The following ZMYM4 variants were observed in gnomAD, a reference collection of about 807,000 sequenced individuals.
The protein encoded by ZMYM4 is zinc finger MYM-type containing 4.
In ZMYM4, 31 loss-of-function variants were observed where a neutral mutation model predicts 183.2. The ratio of observed to expected loss-of-function variants is 0.17; its 90% CI spans 0.13 to 0.23. The LOEUF (loss-of-function observed/expected upper bound fraction) is 0.23. Among genes scored for constraint, ZMYM4 ranks in the 10% least tolerant of loss-of-function variants. The pLI is 1.00. For missense variants in ZMYM4, 1,273 were observed against 1,840.3 expected (o/e 0.69, Z 5.64); for synonymous variants, 592 against 631.2 (o/e 0.94, Z 0.93).
chr1:35,419,355 CT>C, intron 29 of ZMYM4, 114 bp from the exon 30 acceptor site: 9 of 1,156,574 alleles, frequency 7.8e-6, no homozygotes, highest in Non-Finnish European at 9.6e-6. Context: ...TTTGCCCTTA[CT>C]TTTAATTACT....
At chr1:35,371,264 C>T (rs1249958283) in intron 7 of ZMYM4, among the ~76,000 whole-genome samples, 4 of 151,854 alleles carry the variant, frequency 2.6e-5, no homozygotes, top group African/African-American at 4.8e-5. Flanking sequence ...TACAGGTGCC[C>T]GCCACCATGC....
intron 2 of ZMYM4, among the ~76,000 whole-genome samples, chr1:35,343,796 G>A (rs1365117094): frequency 6.6e-6 from 1 of 151,626 alleles, no homozygotes; most frequent in African/African-American, 2.4e-5. Flanking sequence ...CCCGGGAGGC[G>A]GAGGTTGCAG....
chr1:35,315,309 T>TTTTTTTA (rs1641995666), intron 1 of ZMYM4, among the ~76,000 whole-genome samples: 1 of 152,200 alleles, frequency 6.6e-6, no homozygotes, highest in Non-Finnish European at 1.5e-5. Flanking sequence ...AGTAATTCAG[T>TTTTTTTA]TGCTTTATTT....
At chr1:35,371,184 C>T (rs1040536605) in intron 7 of ZMYM4, among the ~76,000 whole-genome samples, 3 of 150,754 alleles carry the variant, frequency 2.0e-5, no homozygotes, top group East Asian at 2.0e-4. Flanking sequence ...GGTGTGATCT[C>T]GGCTCACTGC....
chr1:35,324,518 C>T (rs1642423855), intron 1 of ZMYM4, among the ~76,000 whole-genome samples: 2 of 152,182 alleles, frequency 1.3e-5, no homozygotes, highest in Admixed American at 6.5e-5. Flanking sequence ...ATTTTCTCTT[C>T]ATATTTATGA....
chr1:35,418,720 G>A (rs2149051760), intron 29 of ZMYM4, 148 bp downstream of exon 29: 1 of 972,232 alleles, frequency 1.0e-6, no homozygotes, highest in Non-Finnish European at 1.5e-6. Context: ...ATATCTATGT[G>A]GATTTTGAAC....
intron 1 of ZMYM4, among the ~76,000 whole-genome samples, chr1:35,315,788 T>A (rs1642018031): frequency 6.6e-6 from 1 of 152,030 alleles, no homozygotes; most frequent in African/African-American, 2.4e-5. Flanking sequence ...AGAAAAAAAT[T>A]CACTGGATGT....
At chr1:35,370,314 A>G in intron 6 of ZMYM4, 58 bp from the exon 7 acceptor site, 1 of 1,459,820 alleles carries the variant, frequency 6.9e-7, no homozygotes, top group Non-Finnish European at 9.0e-7. Flanking sequence ...TTCATGGTAA[A>G]AAGTAAAACA....
chr1:35,307,304 G>A (rs990823765), intron 1 of ZMYM4, among the ~76,000 whole-genome samples: 1 of 152,016 alleles, frequency 6.6e-6, no homozygotes, highest in African/African-American at 2.4e-5. Context: ...GTAGGTTTAG[G>A]TTTTAGTGCT....
intron 4 of ZMYM4, 115 bp from the exon 5 acceptor site, chr1:35,361,504 C>T: frequency 8.2e-7 from 1 of 1,224,060 alleles, no homozygotes; most frequent in Non-Finnish European, 1.1e-6. Flanking sequence ...GATCCAAAAG[C>T]TAATGAATGT....
At chr1:35,387,329 T>A in intron 12 of ZMYM4, 51 bp downstream of exon 12, 2 of 1,588,504 alleles carry the variant, frequency 1.3e-6, no homozygotes, top group Non-Finnish European at 1.7e-6. Context: ...TGGGTCTATT[T>A]GTAAAATTAT....
chr1:35,384,735 A>T (rs1558137230), intron 9 of ZMYM4, among the ~76,000 whole-genome samples: 1 of 152,120 alleles, frequency 6.6e-6, no homozygotes. Flanking sequence ...GTATAAAAGC[A>T]TGAACTTGCT....
chr1:35,375,453 T>C (rs1644314496), intron 7 of ZMYM4, among the ~76,000 whole-genome samples: 1 of 152,220 alleles, frequency 6.6e-6, no homozygotes, highest in African/African-American at 2.4e-5. Context: ...TTTTGGCATA[T>C]GCATTGTTTC....
chr1:35,278,054 C>T (rs1570227490), intron 1 of ZMYM4, among the ~76,000 whole-genome samples: 1 of 152,152 alleles, frequency 6.6e-6, no homozygotes, highest in African/African-American at 2.4e-5. Flanking sequence ...AATCAAGGCT[C>T]TAGGGAAGAA....
rs541873024 is a variant in ZMYM4, at chr1:35,370,582, G to A, written c.1136G>A (p.Arg379His). Residue 379 changes from arginine (R) to histidine (H), a missense_variant, in exon 7 of 30, where the codon CGC becomes CAC. By Grantham distance (29) the Arg-to-His change is conservative. This residue lies in a region of ZMYM4 where 384 missense variants were observed against 465.6 expected (regional missense o/e 0.82). Coordinates refer to ENST00000314607, the MANE Select transcript of ZMYM4 (RefSeq NM_005095.3). ...ACTGGATATACAGTTCCACCTGCCC[G>A]CCCACCGCCTCCTCTCACCAAGAAA... Reference protein sequence around the residue: ...CLTGYTVPPARPPPPLTKKTC... With the variant: ...CLTGYTVPPAHPPPPLTKKTC... The A allele has an allele frequency of 3.3e-5, 53 of 1,611,264 alleles. No individual in the cohort carries two copies. The highest frequency in any genetic ancestry group is 4.4e-5 in the South Asian group (4 of 90,754).
intron 1 of ZMYM4, among the ~76,000 whole-genome samples, chr1:35,323,230 G>C (rs1642363512): frequency 6.6e-6 from 1 of 152,034 alleles, no homozygotes; most frequent in Admixed American, 6.5e-5. Flanking sequence ...TTGAACTCCT[G>C]ACTTCAGGTG....
chr1:35,392,730 C>T (rs570476311), intron 17 of ZMYM4, 46 bp downstream of exon 17: 1 of 1,453,528 alleles, frequency 6.9e-7, no homozygotes, highest in East Asian at 2.3e-5. Flanking sequence ...ATTTATTTTT[C>T]ATTTTCATAC....
chr1:35,308,581 CG>C (rs1196835584), intron 1 of ZMYM4, among the ~76,000 whole-genome samples: 1 of 152,108 alleles, frequency 6.6e-6, no homozygotes, highest in Non-Finnish European at 1.5e-5. Context: ...GATGATAAGA[CG>C]GGTGTGGTGG....
chr1:35,299,276 C>G (rs1641162226), intron 1 of ZMYM4, among the ~76,000 whole-genome samples: 1 of 151,888 alleles, frequency 6.6e-6, no homozygotes. Flanking sequence ...GCATTGTTAC[C>G]AATGGAAGGT....
Sources: allele counts gnomAD v4.1 joint callset (sites outside exome capture counted in the v4.1 genomes callset), GRCh38; gene constraint gnomAD v4.1.1; regional missense constraint gnomAD v4.1.1; transcripts MANE v1.5; gene names NCBI Gene and HGNC (gene_info 2026-07-23, HGNC 2026-07-21).